The following TESK2 variants were observed in gnomAD, a reference collection of about 807,000 sequenced individuals.
TESK2 encodes the protein dual specificity testis-specific protein kinase 2.
Under a neutral mutation model 57.1 loss-of-function variants are expected in TESK2, and 39 were observed. The ratio of observed to expected loss-of-function variants is 0.68; its 90% CI spans 0.53 to 0.89. The LOEUF (loss-of-function observed/expected upper bound fraction) is 0.89, where lower values mean the gene tolerates loss of function less well. Ranked by LOEUF, TESK2 falls within the 40% of genes least tolerant of loss-of-function variation. The pLI, the probability that TESK2 is intolerant of heterozygous loss-of-function variation, is 0.00. For synonymous variants in TESK2, 249 were observed against 267.9 expected, an observed-to-expected ratio of 0.93 and a Z score of 0.69; for missense variants, 646 against 732.1, an observed-to-expected ratio of 0.88 and a Z score of 1.36.
intron 1 of TESK2, among the ~76,000 whole-genome samples, chr1:45,488,028 C>T (rs1353539334): frequency 6.6e-6 from 1 of 151,908 alleles, no homozygotes; most frequent in African/African-American, 2.4e-5. Flanking sequence ...ATCCTCCCAC[C>T]TCAGCCTCTC....
At chr1:45,441,324 T>A (rs1004486394) in intron 2 of TESK2, among the ~76,000 whole-genome samples, 3 of 151,878 alleles carry the variant, frequency 2.0e-5, no homozygotes, top group Non-Finnish European at 2.9e-5. Flanking sequence ...GTGCCTACCA[T>A]CACGCCCAGC....
chr1:45,405,101 C>T (rs938308015), intron 3 of TESK2, among the ~76,000 whole-genome samples: 1 of 152,098 alleles, frequency 6.6e-6, no homozygotes, highest in Non-Finnish European at 1.5e-5. Context: ...CAAGCTGATA[C>T]AGCAGTACTA....
chr1:45,431,347 G>A (rs1236995880), intron 2 of TESK2, among the ~76,000 whole-genome samples: 1 of 152,104 alleles, frequency 6.6e-6, no homozygotes, highest in East Asian at 1.9e-4. Flanking sequence ...GAACCCGGGA[G>A]ACGGAGGTTG....
intron 1 of TESK2, among the ~76,000 whole-genome samples, chr1:45,486,155 A>G (rs1169606101): frequency 1.3e-5 from 2 of 152,204 alleles, no homozygotes; most frequent in South Asian, 2.1e-4. Context: ...TCTCCATATG[A>G]TGACTTTGTA....
chr1:45,406,665 A>C (rs1649862329), intron 3 of TESK2, among the ~76,000 whole-genome samples: 1 of 152,102 alleles, frequency 6.6e-6, no homozygotes, highest in African/African-American at 2.4e-5. Flanking sequence ...AAAAATAAAA[A>C]TAAAAATAAA....
intron 4 of TESK2, among the ~76,000 whole-genome samples, chr1:45,366,347 A>G (rs1014695415): frequency 6.6e-6 from 1 of 152,138 alleles, no homozygotes. Flanking sequence ...TAAGCCTCCC[A>G]AAGTGTTGGG....
intron 3 of TESK2, among the ~76,000 whole-genome samples, chr1:45,399,672 A>T (rs1649520031): frequency 6.6e-6 from 1 of 151,132 alleles, no homozygotes; most frequent in South Asian, 2.1e-4. Context: ...CTGGTCTTGA[A>T]CTCCTGTGCT....
In TESK2 at chr1:45,345,969, A is replaced by G. The variant is rs1647138531; in HGVS notation, c.905T>C (p.Phe302Ser). 1.2e-6 allele frequency: 2 copies of G among 1,614,028 alleles called. No homozygotes were observed. The highest frequency in any genetic ancestry group is 2.2e-5 in the East Asian group (1 of 44,872). Residue 302 changes from phenylalanine to serine, a missense_variant, in exon 10 of 11, where the codon TTT (phenylalanine) becomes TCT (serine). Transcript: ENST00000372086. The part of the protein sequence containing the change: ...CNMDPKLRPS[F>S]VEIGKTLEEI... ...CTCCAGGGTCTTCCCAATCTCCACA[A>G]AAGATGGGCGCAGTTTGGGATCCAT...
chr1:45,365,250 A>C (rs1460789146), intron 4 of TESK2, among the ~76,000 whole-genome samples: 1 of 152,128 alleles, frequency 6.6e-6, no homozygotes. Context: ...GTACATCCGT[A>C]TATCTGCCAA....
intron 4 of TESK2, among the ~76,000 whole-genome samples, chr1:45,378,075 G>A (rs1648510901): frequency 6.6e-6 from 1 of 151,992 alleles, no homozygotes; most frequent in African/African-American, 2.4e-5. Flanking sequence ...GCCAGTTTGG[G>A]GAAGGTAACC....
At chr1:45,366,465 G>C (rs1647922407) in intron 4 of TESK2, among the ~76,000 whole-genome samples, 1 of 152,038 alleles carries the variant, frequency 6.6e-6, no homozygotes, top group African/African-American at 2.4e-5. Flanking sequence ...GGGCACAGTA[G>C]CTCACACCTG....
In TESK2 at chr1:45,347,704, A is replaced by G; in HGVS notation, c.624-11T>C. 1.9e-6 allele frequency: 3 copies of G among 1,613,100 alleles called. No homozygotes were observed. Among genetic ancestry groups the G allele is most frequent in the Non-Finnish European group, 2.5e-6 (3 of 1,179,496 alleles). ...TTCTCACTCCCCATGCTGTGGGGTG[A>G]GATTATACAGAAAATGAGCTTGCCA... is the stretch of plus-strand genomic sequence containing the variant. On this transcript the variant is annotated splice_polypyrimidine_tract_variant and intron_variant, in intron 6 of 10. Transcript: ENST00000372086.
At chr1:45,432,601 G>C in intron 2 of TESK2, among the ~76,000 whole-genome samples, 1 of 150,442 alleles carries the variant, frequency 6.6e-6, no homozygotes, top group Non-Finnish European at 1.5e-5. Context: ...TGAGGCAGGA[G>C]AATGGCGTGA....
At chr1:45,365,789 C>T (rs572593172) in intron 4 of TESK2, among the ~76,000 whole-genome samples, 4 of 151,698 alleles carry the variant, frequency 2.6e-5, no homozygotes, top group South Asian at 2.1e-4. Flanking sequence ...AGCAATTCTG[C>T]CTCAGCCTCC....
chr1:45,464,422 TAAA>T (rs34547506), intron 1 of TESK2, among the ~76,000 whole-genome samples: 2 of 121,084 alleles, frequency 1.7e-5, no homozygotes, highest in Non-Finnish European at 1.8e-5. Flanking sequence ...AGACACTGGA[TAAA>T]AAAAAAAAAA....
At chr1:45,387,132 G>A (rs1163274474) in intron 3 of TESK2, among the ~76,000 whole-genome samples, 1 of 152,116 alleles carries the variant, frequency 6.6e-6, no homozygotes, top group Non-Finnish European at 1.5e-5. Context: ...GCAAGACCTG[G>A]TGGTAAAAAG....
In TESK2 at chr1:45,376,874, T is replaced by C. The variant is rs927291729; in HGVS notation, c.393+9038A>G. Among the ~76,000 whole-genome samples, 16 of 152,306 alleles carry C rather than the reference T, an allele frequency of 1.1e-4. 1 individual carries two copies. In the East Asian group the frequency reaches 3.1e-3, roughly 29 times the overall value. On this transcript the variant is annotated intron_variant, in intron 4 of 10. Transcript: ENST00000372086. ...AAACATAATTTTTTAGACAGAAGCA[T>C]CACATTATCAGGTGTGCTTGATGAT...
At chr1:45,402,332 T>C (rs1439254857) in intron 3 of TESK2, among the ~76,000 whole-genome samples, 3 of 147,970 alleles carry the variant, frequency 2.0e-5, no homozygotes, top group South Asian at 2.1e-4. Context: ...GTCAAGGCTA[T>C]AGTGAGCTAT....
intron 2 of TESK2, among the ~76,000 whole-genome samples, chr1:45,440,548 T>C (rs1339854460): frequency 1.3e-5 from 2 of 151,862 alleles, no homozygotes; most frequent in Non-Finnish European, 2.9e-5. Flanking sequence ...ACCCCGCCTC[T>C]ACTAAAAATA....
Sources: allele counts gnomAD v4.1 joint callset (sites outside exome capture counted in the v4.1 genomes callset), GRCh38; gene constraint gnomAD v4.1.1; transcripts MANE v1.5; gene names NCBI Gene and HGNC (gene_info 2026-07-23, HGNC 2026-07-21).